Variants in TBC1D8B observed in about 807,000 individuals in gnomAD.
The protein encoded by TBC1D8B is TBC1 domain family member 8B.
Under a neutral mutation model 82.9 loss-of-function variants are expected in TBC1D8B, and 75 were observed. The ratio of observed to expected loss-of-function variants is 0.90; its 90% confidence interval spans 0.75 to 1.10. The LOEUF (loss-of-function observed/expected upper bound fraction) is 1.10. TBC1D8B is among the 50% of genes least tolerant of loss of function. The pLI is 0.00. For missense variants in TBC1D8B, 794 were observed against 796.9 expected, an observed-to-expected ratio of 1.00 and a Z score of 0.04; for synonymous variants, 276 against 276.8, an observed-to-expected ratio of 1.00 and a Z score of 0.03.
rs374317505 is a variant in TBC1D8B at position 106,846,845 on chromosome X, G to T, written c.1720-1341G>T. 1.6e-3 allele frequency among the ~76,000 whole-genome samples: 175 copies of T among 112,054 alleles called. 1 individual carries two copies. Among genetic ancestry groups the T allele is most frequent in the African/African-American group, 5.2e-3 (162 of 30,888 alleles). ...AATCACAGAAGAGAAAATACAGGTTGATGTTAAAGTCTGAAAAAGAAAGTT... is the reference window on the plus strand; with the variant it reads ...AATCACAGAAGAGAAAATACAGGTTTATGTTAAAGTCTGAAAAAGAAAGTT... On this transcript the variant is annotated intron_variant, in intron 10 of 20. Coordinates refer to ENST00000357242, the MANE Select transcript of TBC1D8B (RefSeq NM_017752.3).
chrX:106,854,791 C>T (rs1370586964), intron 14 of TBC1D8B, among the ~76,000 whole-genome samples: 1 of 111,429 alleles, frequency 9.0e-6, no homozygotes, highest in Non-Finnish European at 1.9e-5. Context: ...GTTAGGATTA[C>T]AGGCGTGAGC....
chrX:106,846,908 C>A (rs1932468442), intron 10 of TBC1D8B, among the ~76,000 whole-genome samples: 1 of 112,031 alleles, frequency 8.9e-6, no homozygotes. Flanking sequence ...AATGAGCTAC[C>A]ATTTTTCACT....
intron 1 of TBC1D8B, among the ~76,000 whole-genome samples, chrX:106,817,470 CAT>C (rs758943245): frequency 1.8e-5 from 2 of 111,513 alleles, no homozygotes; most frequent in East Asian, 2.8e-4. Flanking sequence ...CACCTGACCT[CAT>C]GTGACAGGTT....
intron 10 of TBC1D8B, among the ~76,000 whole-genome samples, chrX:106,842,144 G>T (rs571092722): frequency 7.2e-4 from 75 of 104,011 alleles, no homozygotes; most frequent in South Asian, 5.8e-3. Flanking sequence ...TTTTTTTTTT[G>T]AAAAACTGTT....
chrX:106,866,891 A>G (rs369379607), intron 17 of TBC1D8B, 29 bp downstream of exon 17: 169 of 1,044,272 alleles, frequency 1.6e-4, no homozygotes, highest in Non-Finnish European at 2.2e-4. Context: ...TTAACGATGT[A>G]CAGCAGGAAT....
At position 106,870,721 on chromosome X, in the gene TBC1D8B, G is replaced by A. The variant is rs751802451; in HGVS notation, c.2875G>A (p.Gly959Arg). The A allele has an allele frequency of 5.8e-6, 7 of 1,198,277 alleles. No homozygotes were observed. Among genetic ancestry groups the A allele is most frequent in the Non-Finnish European group, 6.8e-6 (6 of 885,927 alleles). ...GTTTTACTCCCTTTCTTCAGGCAAAGGGAAAATTGATATTCAAGCATATCT... is the reference window on the plus strand; with the variant it reads ...GTTTTACTCCCTTTCTTCAGGCAAAAGGAAAATTGATATTCAAGCATATCT... ...SAKHSPEKGK[G>R]KIDIQAYLSQ... is the part of the protein sequence containing the mutation. The change falls in exon 20 of 21, where the codon GGG (glycine) becomes AGG (arginine). Residue 959 changes from glycine (G) to arginine (R), a missense_variant. Gly to Arg is a moderately radical substitution (Grantham distance 125, BLOSUM62 -2). Coordinates refer to ENST00000357242, the MANE Select transcript of TBC1D8B (RefSeq NM_017752.3).
intron 18 of TBC1D8B, 147 bp downstream of exon 18, chrX:106,868,623 T>C (rs1037757538): frequency 1.3e-4 from 42 of 323,112 alleles, no homozygotes; most frequent in Non-Finnish European, 1.8e-4. Flanking sequence ...GCATGGTCCA[T>C]AAATGTTTGA....
At chrX:106,830,543 G>C (rs371413465) in intron 7 of TBC1D8B, among the ~76,000 whole-genome samples, 5 of 110,835 alleles carry the variant, frequency 4.5e-5, no homozygotes, top group South Asian at 7.9e-4. Context: ...TTGGAACCAA[G>C]CCAAATGTCC....
chrX:106,821,986 G>T lies in TBC1D8B; in HGVS notation c.370G>T (p.Ala124Ser). 2.5e-6 allele frequency: 3 copies of T among 1,208,179 alleles called. No homozygotes were observed. The highest frequency in any genetic ancestry group is 3.4e-6 in the Non-Finnish European group (3 of 893,203). ...ATTTTGTCTCCTTTAGGGATTAATTGCTGAAGAGGGAAAACATTGTTTTGC... is the reference window on the plus strand; with the variant it reads ...ATTTTGTCTCCTTTAGGGATTAATTTCTGAAGAGGGAAAACATTGTTTTGC... ...FVQGKIRGLI[A>S]EEGKHCFAKE... is the part of the protein sequence containing the mutation. Residue 124 changes from alanine (A) to serine (S), a missense_variant, in exon 4 of 21, where the codon GCT (alanine) becomes TCT (serine). Physicochemically the swap from Ala to Ser is moderately conservative, Grantham distance 99. Coordinates refer to ENST00000357242, the MANE Select transcript of TBC1D8B (RefSeq NM_017752.3).
chrX:106,825,796 T>C (rs925209073), intron 5 of TBC1D8B, among the ~76,000 whole-genome samples: 3 of 111,205 alleles, frequency 2.7e-5, no homozygotes, highest in African/African-American at 9.8e-5. Flanking sequence ...TCTCTAACTT[T>C]TGTGCATTTT....
intron 10 of TBC1D8B, among the ~76,000 whole-genome samples, chrX:106,842,359 C>T (rs1313574624): frequency 2.7e-5 from 3 of 110,688 alleles, no homozygotes; most frequent in African/African-American, 9.8e-5. Flanking sequence ...AAGTTAGAAA[C>T]ATGGAGGGCA....
chrX:106,835,295 G>A (rs1440827864), intron 7 of TBC1D8B, among the ~76,000 whole-genome samples: 1 of 112,713 alleles, frequency 8.9e-6, no homozygotes, highest in South Asian at 3.7e-4. Context: ...GCAATGGCCC[G>A]AACTGAACCT....
chrX:106,838,028 ATGT>A (rs997177448), intron 7 of TBC1D8B, among the ~76,000 whole-genome samples: 9 of 111,621 alleles, frequency 8.1e-5, no homozygotes, highest in South Asian at 3.7e-4. Flanking sequence ...TAGGTGTGTA[ATGT>A]TGTTTTAATT....
At chrX:106,816,118 A>G (rs1222533269) in intron 1 of TBC1D8B, among the ~76,000 whole-genome samples, 4 of 111,327 alleles carry the variant, frequency 3.6e-5, no homozygotes, top group Non-Finnish European at 7.5e-5. Flanking sequence ...AGGAAGTCAA[A>G]TTGTCCCTGT....
intron 14 of TBC1D8B, among the ~76,000 whole-genome samples, 196 bp from the exon 15 acceptor site, chrX:106,865,363 A>G (rs1932807090): frequency 8.9e-6 from 1 of 112,490 alleles, no homozygotes; most frequent in Admixed American, 9.4e-5. Context: ...GAACTAGTCT[A>G]CTACTACTTT....
intron 11 of TBC1D8B, chrX:106,849,220 A>G (rs75369660): frequency 1.1e-6 from 1 of 880,858 alleles, no homozygotes; most frequent in Non-Finnish European, 1.5e-6. Context: ...TTATTTGTGT[A>G]TTTTTTTTTT....
intron 14 of TBC1D8B, among the ~76,000 whole-genome samples, chrX:106,859,926 C>A (rs1932758116): frequency 8.9e-6 from 1 of 112,106 alleles, no homozygotes. Flanking sequence ...TTACTGAAAG[C>A]TTTTTCTGCA....
chrX:106,822,627 A>G (rs1324818570), intron 4 of TBC1D8B, among the ~76,000 whole-genome samples: 4 of 111,449 alleles, frequency 3.6e-5, no homozygotes, highest in African/African-American at 1.3e-4. Flanking sequence ...CAGCTTTTAC[A>G]TTGGTAGTTA....
chrX:106,809,303 A>G (rs1931285684), intron 1 of TBC1D8B, among the ~76,000 whole-genome samples: 1 of 111,495 alleles, frequency 9.0e-6, no homozygotes, highest in Non-Finnish European at 1.9e-5. Flanking sequence ...AACAAATAGT[A>G]TATGATATGA....
Sources: gnomAD v4.1 joint callset for allele counts (sites outside exome capture counted in the v4.1 genomes callset) on GRCh38, gnomAD v4.1.1 for gene constraint, MANE v1.5 for transcripts, NCBI Gene and HGNC (gene_info 2026-07-23, HGNC 2026-07-21) for gene names.